Variants in EP400 observed in about 807,000 individuals in gnomAD.
The protein encoded by EP400 is E1A-binding protein p400.
Under a neutral mutation model 354.1 loss-of-function variants are expected in EP400, and 105 were observed. The ratio of observed to expected loss-of-function variants is 0.30; its 90% CI spans 0.25 to 0.35. The LOEUF (loss-of-function observed/expected upper bound fraction) is 0.35, where lower values mean the gene tolerates loss of function less well. Ranked by LOEUF, EP400 falls within the 10% of genes least tolerant of loss-of-function variation. The pLI, the probability that EP400 is intolerant of heterozygous loss-of-function variation, is 1.00. For synonymous variants in EP400, 1,646 were observed against 1,716.9 expected (o/e 0.96, Z 1.02); for missense variants, 3,280 against 4,121.0 (o/e 0.80, Z 5.59).
intron 51 of EP400, among the ~76,000 whole-genome samples, chr12:132,074,624 C>G (rs1319231714): frequency 1.3e-5 from 2 of 152,220 alleles, no homozygotes; most frequent in African/African-American, 2.4e-5. Context: ...CCTGCTTCCT[C>G]TGCCCTCCAG....
Position 131,990,673 on chromosome 12 carries a change from AAAG to A in EP400, c.2589_2591del (p.Arg864del). The A allele has an allele frequency of 6.2e-7, 1 of 1,613,020 alleles. No individual in the cohort carries two copies. Among genetic ancestry groups the A allele is most frequent in the Non-Finnish European group, 8.5e-7 (1 of 1,179,480 alleles). On this transcript the variant is annotated inframe_deletion, in exon 9 of 53. Transcript: ENST00000389561. The surrounding 1 kb of genome is among the most constrained non-coding windows in gnomAD (Gnocchi z 4.2). ...AAACTACGAGTAGAATTAGAAGAAA[AAAG>A]GAAGAAGGCCTTAAATTTACAGAAA...
intron 39 of EP400, among the ~76,000 whole-genome samples, chr12:132,049,434 G>T (rs2136585327): frequency 6.6e-6 from 1 of 152,314 alleles, no homozygotes; most frequent in East Asian, 1.9e-4. Context: ...TTCTAGTTCT[G>T]GTTGTCCTTG....
rs1215037643 is a variant in EP400, at chr12:132,064,989, T to C, written c.8553+103T>C. The C allele has an allele frequency of 4.7e-6, 7 of 1,478,874 alleles. No homozygotes were observed. The Admixed American group carries it at 6.8e-5, about 14-fold the overall frequency. The allele number at this position is 1,478,874 out of a possible 1,614,324, so 91.6% of individuals were successfully genotyped here. A position where few individuals can be genotyped will look rare whatever the true frequency, so the allele number is the denominator to read the frequency against. ...GCGTGTCACGTGTTACAGGAGTGAG[T>C]GTGAGACGGGTTCTTTTCCCCGAGA... On this transcript the variant is annotated intron_variant, in intron 48 of 52. Transcript: ENST00000389561.
chr12:132,032,275 A>T (rs1894539103), intron 30 of EP400, 126 bp downstream of exon 30: 3 of 1,071,796 alleles, frequency 2.8e-6, no homozygotes, highest in Admixed American at 5.4e-5. Context: ...TTGGTGCAAG[A>T]AGCACTAATG....
At chr12:132,072,931 A>G (rs577546253) in intron 51 of EP400, among the ~76,000 whole-genome samples, 161 of 152,252 alleles carry the variant, frequency 1.1e-3, no homozygotes, top group Non-Finnish European at 2.0e-3. Flanking sequence ...TTCTCCTCAC[A>G]TGAGTAAAGC....
At chr12:132,026,907 T>C (rs528742583) in intron 25 of EP400, among the ~76,000 whole-genome samples, 4 of 152,338 alleles carry the variant, frequency 2.6e-5, no homozygotes, top group South Asian at 2.1e-4. Flanking sequence ...GCCTTCCTGA[T>C]TGGCCCTGGC....
At position 132,077,063 on chromosome 12, in the gene EP400, T is replaced by C. The variant is rs1335294395; in HGVS notation, c.9100-338T>C. 2.0e-5 allele frequency among the ~76,000 whole-genome samples: 3 copies of C among 152,248 alleles called. No homozygotes were observed. The South Asian group carries it at 6.2e-4, about 31-fold the overall frequency. ...TAAATGTAAAGCGGTGCTTTAAACT[T>C]TCTAAATTTTGTTTAAAGTCACACT... On this transcript the variant is annotated intron_variant, in intron 52 of 52. Coordinates refer to ENST00000389561, the MANE Select transcript of EP400 (RefSeq NM_015409.5).
intron 1 of EP400, among the ~76,000 whole-genome samples, chr12:131,957,028 C>T (rs1426584549): frequency 4.6e-5 from 7 of 151,746 alleles, no homozygotes; most frequent in African/African-American, 1.7e-4. Context: ...TGTGCCACCA[C>T]GCCCGGCTAA....
At position 131,960,646 on chromosome 12, in the gene EP400, C is replaced by T. The variant is rs1237305362; in HGVS notation, c.27C>T (p.Asn9=). The T allele has an allele frequency of 1.9e-6, 3 of 1,591,132 alleles. No individual in the cohort carries two copies. The highest frequency in any genetic ancestry group is 1.8e-5 in the Admixed American group (1 of 56,286). MHHGTGPQ[N]VQHQLQRSRA... is the part of the protein sequence containing the mutation. ...TGCACCATGGCACTGGCCCCCAGAA[C>T]GTCCAGCATCAGCTGCAGAGGTCCA... Residue 9 remains asparagine (N), a synonymous_variant, in exon 2 of 53, where the codon AAC becomes AAT. Transcript: ENST00000389561.
intron 7 of EP400, among the ~76,000 whole-genome samples, chr12:131,988,686 A>G (rs1436983386): frequency 1.3e-5 from 2 of 152,242 alleles, no homozygotes; most frequent in Non-Finnish European, 2.9e-5. Context: ...GTAGATTTCT[A>G]GAAACCCCAG....
At chr12:131,971,333 G>C (rs1264870886) in intron 2 of EP400, among the ~76,000 whole-genome samples, 5 of 152,100 alleles carry the variant, frequency 3.3e-5, no homozygotes, top group Admixed American at 3.3e-4. Context: ...CTTGCTTTTT[G>C]TTACCAAATA....
At chr12:132,061,020 G>A (rs886550649) in intron 45 of EP400, among the ~76,000 whole-genome samples, 1 of 152,140 alleles carries the variant, frequency 6.6e-6, no homozygotes, top group Non-Finnish European at 1.5e-5. Flanking sequence ...TTAAGCAGAA[G>A]AAAGGTGTTC....
Position 132,039,780 on chromosome 12 carries a change from T to C in EP400, c.6207+1684T>C, listed in dbSNP as rs1894836777. On this transcript the variant is annotated intron_variant, in intron 32 of 52. Coordinates refer to ENST00000389561, the MANE Select transcript of EP400 (RefSeq NM_015409.5). ...GGGGCCAGGTGTGGTGGCTCAGGCCTGTAATCCCAGTACTTTGGGAAGCCG... is the reference window on the plus strand; with the variant it reads ...GGGGCCAGGTGTGGTGGCTCAGGCCCGTAATCCCAGTACTTTGGGAAGCCG... Among the ~76,000 whole-genome samples, 3 of 152,346 alleles carry C rather than the reference T, an allele frequency of 2.0e-5. No individual in the cohort carries two copies. The South Asian group carries it at 6.2e-4, about 32-fold the overall frequency.
intron 32 of EP400, among the ~76,000 whole-genome samples, chr12:132,039,866 C>A (rs1464389814): frequency 6.6e-6 from 1 of 152,130 alleles, no homozygotes; most frequent in African/African-American, 2.4e-5. Context: ...TAGTGGGACC[C>A]CATCTCTACA....
In EP400 at chr12:132,006,923, T is replaced by C. The variant is rs770104877; in HGVS notation, c.3304+46T>C. On this transcript the variant is annotated intron_variant, in intron 15 of 52. Coordinates refer to ENST00000389561, the MANE Select transcript of EP400 (RefSeq NM_015409.5). The stretch of plus-strand genomic sequence containing the variant: ...TTAACAATACCTATTTGCTAGGACT[T>C]ACCTATAGGCCAGTGTGTTTGATGG... 3.1e-6 allele frequency: 5 copies of C among 1,606,002 alleles called. No individual in the cohort carries two copies. In the Admixed American group the frequency reaches 8.4e-5, roughly 27 times the overall value.
rs1451513783 is a variant in EP400 at position 131,986,753 on chromosome 12, T to C, written c.2169T>C (p.Asn723=). 1.2e-6 allele frequency: 2 copies of C among 1,614,092 alleles called. No individual in the cohort carries two copies. The highest frequency in any genetic ancestry group is 1.7e-6 in the Non-Finnish European group (2 of 1,180,046). The change falls in exon 6 of 53, where the codon AAT becomes AAC. Residue 723 remains asparagine (N), a synonymous_variant. Coordinates refer to ENST00000389561, the MANE Select transcript of EP400 (RefSeq NM_015409.5). Reference sequence around the variant, plus strand: ...CCAAACCACAGAGTCCTGCTCAGAATGCCACCTCGTCCCAAGACAGTTCTC... The same window carrying C: ...CCAAACCACAGAGTCCTGCTCAGAACGCCACCTCGTCCCAAGACAGTTCTC... ...APTKPQSPAQ[N]ATSSQDSSQD... is the part of the protein sequence containing the mutation.
intron 45 of EP400, among the ~76,000 whole-genome samples, chr12:132,055,754 ATGTG>A (rs373252803): frequency 1.5e-5 from 2 of 136,444 alleles, no homozygotes; most frequent in South Asian, 4.9e-4. Flanking sequence ...GTAGGAGGGT[ATGTG>A]TGTGTGTGTG....
At chr12:131,999,983 T>C (rs1243727328) in intron 12 of EP400, among the ~76,000 whole-genome samples, 5 of 151,610 alleles carry the variant, frequency 3.3e-5, no homozygotes, top group African/African-American at 1.2e-4. Flanking sequence ...CAGATTCTTT[T>C]TTTTTTTTTT....
At chr12:132,043,915 C>T (rs567198428) in intron 34 of EP400, among the ~76,000 whole-genome samples, 187 bp downstream of exon 34, 1 of 152,066 alleles carries the variant, frequency 6.6e-6, no homozygotes, top group African/African-American at 2.4e-5. Context: ...TTCACCCCCA[C>T]GTAGGGACCA....
Sources: allele counts gnomAD v4.1 joint callset (sites outside exome capture counted in the v4.1 genomes callset), GRCh38; gene constraint gnomAD v4.1.1; non-coding constraint Gnocchi (gnomAD v3.1); transcripts MANE v1.5; gene names NCBI Gene and HGNC (gene_info 2026-07-23, HGNC 2026-07-21).